Variants in RRAS2 observed in about 807,000 individuals in gnomAD.
RRAS2 encodes the protein RAS related 2.
Under a neutral mutation model 27.6 loss-of-function variants are expected in RRAS2, and 7 were observed. The observed-to-expected ratio is 0.25, with a 90% confidence interval of 0.14 to 0.48. The LOEUF (loss-of-function observed/expected upper bound fraction) is 0.48. Among genes scored for constraint, RRAS2 ranks in the 20% least tolerant of loss-of-function variants. The pLI is 0.99. For missense variants in RRAS2, 178 were observed against 256.2 expected (o/e 0.69, Z 2.08); for synonymous variants, 86 against 90.9 (o/e 0.95, Z 0.31).
At chr11:14,281,831 A>G in intron 4 of RRAS2, 111 bp from the exon 5 acceptor site, 1 of 886,530 alleles carries the variant, frequency 1.1e-6, no homozygotes, top group Non-Finnish European at 1.8e-6. Context: ...AAGTTGTTTT[A>G]TCATAAGGTG....
chr11:14,281,347 T>C (rs1207836019), intron 5 of RRAS2, among the ~76,000 whole-genome samples: 1 of 152,222 alleles, frequency 6.6e-6, no homozygotes, highest in Non-Finnish European at 1.5e-5. Flanking sequence ...AAAAGTTAGC[T>C]GCTGTCATCA....
intron 1 of RRAS2, among the ~76,000 whole-genome samples, chr11:14,357,096 TTTC>T (rs1849096286): frequency 1.3e-5 from 2 of 152,138 alleles, no homozygotes; most frequent in African/African-American, 4.8e-5. Context: ...CAATTACCGC[TTTC>T]TTAATGGTTT....
At chr11:14,357,560 TC>T (rs1415440988) in intron 1 of RRAS2, among the ~76,000 whole-genome samples, 23 of 152,184 alleles carry the variant, frequency 1.5e-4, no homozygotes, top group African/African-American at 5.6e-4. Context: ...GCAGCAGTAA[TC>T]CAGGGAATAT....
chr11:14,304,362 C>T (rs1325456788), intron 1 of RRAS2, among the ~76,000 whole-genome samples: 3 of 152,180 alleles, frequency 2.0e-5, no homozygotes, highest in Non-Finnish European at 2.9e-5. Flanking sequence ...TGTCTTAGAA[C>T]CCTTAATAAT....
intron 2 of RRAS2, 42 bp from the exon 3 acceptor site, chr11:14,294,904 A>G: frequency 6.4e-7 from 1 of 1,569,388 alleles, no homozygotes; most frequent in African/African-American, 1.3e-5. Context: ...TGTTTTTTAT[A>G]AACTGCTTCC....
At chr11:14,287,724 T>G (rs1014953838) in intron 4 of RRAS2, among the ~76,000 whole-genome samples, 1 of 151,626 alleles carries the variant, frequency 6.6e-6, no homozygotes, top group Non-Finnish European at 1.5e-5. Context: ...ATACAAAAAG[T>G]AGCCGGGTGT....
chr11:14,290,935 G>A (rs1156775024), intron 4 of RRAS2, among the ~76,000 whole-genome samples: 1 of 152,212 alleles, frequency 6.6e-6, no homozygotes, highest in Admixed American at 6.5e-5. Context: ...GTATGCTGAT[G>A]GGAATGATCA....
At chr11:14,348,644 G>C (rs1848886866) in intron 1 of RRAS2, among the ~76,000 whole-genome samples, 1 of 152,064 alleles carries the variant, frequency 6.6e-6, no homozygotes, top group East Asian at 1.9e-4. Flanking sequence ...TGGGAGTTTT[G>C]CCAGGCTGGC....
intron 5 of RRAS2, among the ~76,000 whole-genome samples, chr11:14,280,352 T>C (rs923027373): frequency 6.6e-6 from 1 of 152,076 alleles, no homozygotes; most frequent in African/African-American, 2.4e-5. Flanking sequence ...TCACTTTTTT[T>C]TCCTCCACAG....
intron 4 of RRAS2, among the ~76,000 whole-genome samples, chr11:14,293,350 CAAG>C (rs1847465246): frequency 1.3e-5 from 2 of 151,526 alleles, no homozygotes; most frequent in South Asian, 4.2e-4. Context: ...AATATAAAAA[CAAG>C]AATACTTAAA....
intron 4 of RRAS2, among the ~76,000 whole-genome samples, chr11:14,283,641 T>G (rs1168594848): frequency 6.6e-6 from 1 of 152,232 alleles, no homozygotes; most frequent in African/African-American, 2.4e-5. Context: ...TTTGGTAGTT[T>G]GTGCCTTTCA....
chr11:14,310,755 T>C (rs1473860620), intron 1 of RRAS2, among the ~76,000 whole-genome samples: 1 of 152,200 alleles, frequency 6.6e-6, no homozygotes, highest in Non-Finnish European at 1.5e-5. Context: ...AAACCAGGAC[T>C]TTCCTAGGCA....
At chr11:14,352,293 A>T (rs1848972671) in intron 1 of RRAS2, among the ~76,000 whole-genome samples, 1 of 152,246 alleles carries the variant, frequency 6.6e-6, no homozygotes, top group Non-Finnish European at 1.5e-5. Context: ...GTTCAGTGCT[A>T]TGCAACAAAT....
intron 1 of RRAS2, among the ~76,000 whole-genome samples, chr11:14,315,312 C>T (rs1359277097): frequency 1.3e-5 from 2 of 152,144 alleles, no homozygotes; most frequent in Non-Finnish European, 2.9e-5. Flanking sequence ...GTGATGAAAA[C>T]GGTACTTCAC....
intron 1 of RRAS2, among the ~76,000 whole-genome samples, chr11:14,329,226 T>C (rs782540072): frequency 6.6e-5 from 10 of 151,914 alleles, no homozygotes; most frequent in Non-Finnish European, 1.5e-4. Context: ...GGGATTCTCC[T>C]GCCTCAGCCT....
At chr11:14,303,599 T>C (rs530048021) in intron 1 of RRAS2, among the ~76,000 whole-genome samples, 3 of 152,270 alleles carry the variant, frequency 2.0e-5, no homozygotes, top group Non-Finnish European at 4.4e-5. Flanking sequence ...AAAGTTTAAA[T>C]ATCCTTCAGC....
At chr11:14,311,347 TAAAAAATAAAAATAAAATA>T (rs1847960701) in intron 1 of RRAS2, among the ~76,000 whole-genome samples, 1 of 152,040 alleles carries the variant, frequency 6.6e-6, no homozygotes, top group African/African-American at 2.4e-5. Flanking sequence ...AATCTGTCTT[TAAAAAATAAAAATAAAATA>T]AAAAAGTACT....
intron 1 of RRAS2, among the ~76,000 whole-genome samples, chr11:14,327,571 A>C (rs1848388556): frequency 6.6e-6 from 1 of 152,216 alleles, no homozygotes; most frequent in Admixed American, 6.5e-5. Flanking sequence ...TTGCCTGAGC[A>C]TCTTTCTCTA....
chr11:14,331,165 G>A (rs1848473048), intron 1 of RRAS2, among the ~76,000 whole-genome samples: 1 of 152,166 alleles, frequency 6.6e-6, no homozygotes, highest in Admixed American at 6.5e-5. Flanking sequence ...CATCTTTCAA[G>A]TCAAATATAT....
Sources: allele counts gnomAD v4.1 joint callset (sites outside exome capture counted in the v4.1 genomes callset), GRCh38; gene constraint gnomAD v4.1.1; transcripts MANE v1.5; gene names NCBI Gene and HGNC (gene_info 2026-07-23, HGNC 2026-07-21).